UBA3: variants seen among roughly 807,000 people sequenced by gnomAD.
UBA3 encodes ubiquitin like modifier activating enzyme 3, also known as NEDD8-activating enzyme E1 catalytic subunit.
UBA3 carries 26 observed loss-of-function variants against 73.5 expected under a neutral mutation model. The observed-to-expected ratio is 0.35, with a 90% CI of 0.26 to 0.49. The LOEUF (loss-of-function observed/expected upper bound fraction) is 0.49. UBA3 is among the 20% of genes least tolerant of loss of function. The pLI, the probability that UBA3 is intolerant of heterozygous loss-of-function variation, is 0.98. For missense variants in UBA3, 495 were observed against 555.6 expected, an observed-to-expected ratio of 0.89 and a Z score of 1.10; for synonymous variants, 217 against 191.2, an observed-to-expected ratio of 1.13 and a Z score of -1.11.
intron 10 of UBA3, 25 bp from the exon 11 acceptor site, chr3:69,061,952 A>C: frequency 4.0e-6 from 6 of 1,497,196 alleles, no homozygotes; most frequent in Non-Finnish European, 5.5e-6. Flanking sequence ...AAAGGGAGAG[A>C]GAGAGAGAGA....
chr3:69,055,716 T>C lies in UBA3; in HGVS notation c.1303+135A>G, dbSNP rs565549537. ...AAAAGAGCAATTAATTCTATTAATATGTCTAAAGTTGTAAGTAATTATTAC... is the reference window on the plus strand; with the variant it reads ...AAAAGAGCAATTAATTCTATTAATACGTCTAAAGTTGTAAGTAATTATTAC... On this transcript the variant is annotated intron_variant, in intron 17 of 17. Transcript: ENST00000361055. The C allele has an allele frequency of 1.5e-4, 135 of 915,116 alleles. 1 individual carries two copies. The African/African-American group carries it at 2.2e-3, about 15-fold the overall frequency. 56.7% of individuals were successfully genotyped at this position (915,116 alleles called of 1,614,324 possible).
At chr3:69,075,397 A>G in intron 4 of UBA3, 33 bp downstream of exon 4, 1 of 1,104,850 alleles carries the variant, frequency 9.1e-7, no homozygotes, top group Admixed American at 3.9e-5. Flanking sequence ...CAAAGAAGAA[A>G]AAAATATTTA....
Position 69,056,626 on chromosome 3 carries a change from C to G in UBA3, c.1069G>C (p.Glu357Gln). The G allele has an allele frequency of 6.2e-7, 1 of 1,611,572 alleles. No individual in the cohort carries two copies. ...DVDGLYTYTFEAERKENCPAC... is the reference protein window; with the variant it reads ...DVDGLYTYTFQAERKENCPAC... ...ATACTACTAACCTTTCTTTCTGCTT[C>G]AAATGTGTATGTATACAGCCCATCT... Residue 357 changes from glutamate to glutamine, a missense_variant, in exon 14 of 18, where the codon GAA (glutamate) becomes CAA (glutamine). Coordinates refer to ENST00000361055, the MANE Select transcript of UBA3 (RefSeq NM_003968.4).
chr3:69,057,004 CAT>C (rs1369294530), intron 12 of UBA3, among the ~76,000 whole-genome samples, 189 bp from the exon 13 acceptor site: 2 of 152,142 alleles, frequency 1.3e-5, no homozygotes, highest in African/African-American at 4.8e-5. Flanking sequence ...AGTAACACTA[CAT>C]GTTTTTCTTG....
In UBA3 at chr3:69,061,587, G is replaced by T. The variant is rs901740327; in HGVS notation, c.910+227C>A. 7.3e-6 allele frequency: 3 copies of T among 412,710 alleles called. No individual in the cohort carries two copies. The Admixed American group carries it at 1.2e-4, about 17-fold the overall frequency. 25.6% of individuals were successfully genotyped at this position (412,710 alleles called of 1,614,324 possible). A position where few individuals can be genotyped will look rare whatever the true frequency, so the allele number is the denominator to read the frequency against. ...GTCTCTAAGAGATGATGAATTCAGT[G>T]GAAGATAAAATGGACAGTTTGACTT... On this transcript the variant is annotated intron_variant, in intron 11 of 17. Transcript: ENST00000361055.
chr3:69,069,520 T>A (rs943102459), intron 5 of UBA3, among the ~76,000 whole-genome samples: 1 of 152,010 alleles, frequency 6.6e-6, no homozygotes, highest in African/African-American at 2.4e-5. Flanking sequence ...AGACACAGGG[T>A]TTCACCGTGT....
At chr3:69,077,972 C>A in intron 2 of UBA3, 54 bp from the exon 3 acceptor site, 1 of 1,600,490 alleles carries the variant, frequency 6.2e-7, no homozygotes, top group Non-Finnish European at 8.5e-7. Flanking sequence ...AAAAACCACA[C>A]CTACAACTAT....
chr3:69,074,423 T>A (rs2092147158), intron 4 of UBA3, among the ~76,000 whole-genome samples: 2 of 152,214 alleles, frequency 1.3e-5, no homozygotes, highest in African/African-American at 4.8e-5. Flanking sequence ...GAGACCACGA[T>A]GACATATAAT....
chr3:69,062,052 T>C, intron 10 of UBA3, 25 bp downstream of exon 10: 1 of 1,508,208 alleles, frequency 6.6e-7, no homozygotes, highest in South Asian at 1.2e-5. Flanking sequence ...TATGTAATTC[T>C]AGATTATTAA....
intron 16 of UBA3, 30 bp from the exon 17 acceptor site, chr3:69,055,935 C>T (rs200598255): frequency 6.3e-7 from 1 of 1,593,860 alleles, no homozygotes; most frequent in Non-Finnish European, 8.6e-7. Flanking sequence ...TAATGTAAGA[C>T]ACATTAAAGT....
chr3:69,064,262 A>G (rs2092048303), intron 6 of UBA3, 151 bp from the exon 7 acceptor site: 3 of 638,614 alleles, frequency 4.7e-6, no homozygotes, highest in Non-Finnish European at 7.6e-6. Flanking sequence ...TGACTAAATG[A>G]ACACAACTCT....
intron 4 of UBA3, among the ~76,000 whole-genome samples, chr3:69,073,988 C>A (rs2092143910): frequency 6.6e-6 from 1 of 152,052 alleles, no homozygotes; most frequent in Non-Finnish European, 1.5e-5. Flanking sequence ...AGGGGGCTTA[C>A]AATGAATTAA....
At chr3:69,057,924 CT>C (rs368333207) in intron 11 of UBA3, among the ~76,000 whole-genome samples, 10 of 115,468 alleles carry the variant, frequency 8.7e-5, no homozygotes, top group Non-Finnish European at 8.3e-5. Flanking sequence ...CCACATTTTT[CT>C]TTTTTTTTTT....
At chr3:69,067,559 A>T (rs1407816982) in intron 6 of UBA3, among the ~76,000 whole-genome samples, 1 of 152,170 alleles carries the variant, frequency 6.6e-6, no homozygotes, top group South Asian at 2.1e-4. Context: ...TACTATATTG[A>T]CTGTCTACTC....
At chr3:69,073,636 CTTT>C (rs554961674) in intron 4 of UBA3, among the ~76,000 whole-genome samples, 6 of 140,748 alleles carry the variant, frequency 4.3e-5, no homozygotes, top group Non-Finnish European at 4.7e-5. Context: ...ATATTAGTAT[CTTT>C]TTTTTTTTTT....
At chr3:69,071,425 A>G in intron 5 of UBA3, 110 bp downstream of exon 5, 3 of 631,200 alleles carry the variant, frequency 4.8e-6, no homozygotes, top group Non-Finnish European at 7.9e-6. Context: ...TTAAAATAAA[A>G]TTAGTATTAT....
In UBA3 at chr3:69,060,625, T is replaced by C. The variant is rs548187297; in HGVS notation, c.910+1189A>G. On this transcript the variant is annotated intron_variant, in intron 11 of 17. Transcript: ENST00000361055. ...GTTACAGAAAAACAACATGAGAACC[T>C]GAAGCTGTACAACATATCAAAGGGT... Among the ~76,000 whole-genome samples, 3 of 152,324 alleles carry C rather than the reference T, an allele frequency of 2.0e-5. No homozygotes were observed. In the South Asian group the frequency reaches 6.2e-4, roughly 32 times the overall value.
intron 6 of UBA3, 28 bp downstream of exon 6, chr3:69,067,900 A>C: frequency 6.6e-7 from 1 of 1,506,578 alleles, no homozygotes; most frequent in South Asian, 1.2e-5. Context: ...TTAAAAATTA[A>C]GTAATTTTCT....
chr3:69,071,203 C>A, intron 5 of UBA3: 1 of 211,838 alleles, frequency 4.7e-6, no homozygotes, highest in South Asian at 7.0e-5. Flanking sequence ...CGAGTATTCT[C>A]TTCTGACATC....
Sources: allele counts gnomAD v4.1 joint callset (sites outside exome capture counted in the v4.1 genomes callset), GRCh38; gene constraint gnomAD v4.1.1; transcripts MANE v1.5; gene names NCBI Gene and HGNC (gene_info 2026-07-23, HGNC 2026-07-21).